The following R3HCC1 variants were observed in gnomAD, a reference collection of about 807,000 sequenced individuals.
The protein encoded by R3HCC1 is R3H domain and coiled-coil containing 1.
R3HCC1 carries 32 observed loss-of-function variants against 40.0 expected under a neutral mutation model. That is an observed-to-expected ratio of 0.80 (90% CI 0.60 to 1.07). R3HCC1 has a LOEUF of 1.07. R3HCC1 is among the 50% of genes least tolerant of loss of function. The pLI is 0.00. For missense variants in R3HCC1, 586 were observed against 563.3 expected (o/e 1.04, Z -0.41); for synonymous variants, 237 against 232.8 (o/e 1.02, Z -0.17).
Position 23,290,299 on chromosome 8 carries a change from G to C in R3HCC1, c.682G>C (p.Val228Leu), listed in dbSNP as rs1206416590. 6.4e-7 allele frequency: 1 copy of C among 1,551,670 alleles called. No homozygotes were observed. The highest frequency in any genetic ancestry group is 1.4e-5 in the African/African-American group (1 of 73,048). ...GAGTCAGTCAGGGAAGGGAGACATG[G>C]TGGAGATGGCCACACGGTTTGGGTC... is the stretch of plus-strand genomic sequence containing the variant. Residue 228 changes from valine to leucine, a missense_variant, in exon 4 of 8, where the codon GTG becomes CTG. Val to Leu is a conservative substitution (Grantham distance 32). Coordinates refer to ENST00000265806, the MANE Select transcript of R3HCC1 (RefSeq NM_001136108.3).
In R3HCC1 at chr8:23,292,314, C is replaced by G. The variant is rs147400433; in HGVS notation, c.1025+781C>G. 3.1e-3 allele frequency among the ~76,000 whole-genome samples: 473 copies of G among 152,214 alleles called. 2 individuals are homozygous for G. Among genetic ancestry groups the G allele is most frequent in the African/African-American group, 0.011 (449 of 41,560 alleles). On this transcript the variant is annotated intron_variant, in intron 5 of 7. Transcript: ENST00000265806. ...AGCTCTGCCTAGGCTTTTAGAAACCCCTTTCTGTGGCTGGGCACGGTGGCT... is the reference window on the plus strand; with the variant it reads ...AGCTCTGCCTAGGCTTTTAGAAACCGCTTTCTGTGGCTGGGCACGGTGGCT...
rs141687709 is a variant in R3HCC1, at chr8:23,295,066, G to A, written c.1192+202G>A. ...TGTTCCCCCTCCCTAGCAGGCCTAG[G>A]GGGGGTCTGGGGCAGGGGTCTCCCT... is the stretch of plus-strand genomic sequence containing the variant. On this transcript the variant is annotated intron_variant, in intron 7 of 7. Coordinates refer to ENST00000265806, the MANE Select transcript of R3HCC1 (RefSeq NM_001136108.3). Among the ~76,000 whole-genome samples, 473 of 152,208 alleles carry A rather than the reference G, an allele frequency of 3.1e-3. 1 individual carries two copies. Among genetic ancestry groups the A allele is most frequent in the Non-Finnish European group, 4.3e-3 (291 of 67,990 alleles).
At chr8:23,293,604 A>G (rs1376524257) in intron 6 of R3HCC1, among the ~76,000 whole-genome samples, 1 of 152,176 alleles carries the variant, frequency 6.6e-6, no homozygotes, top group Non-Finnish European at 1.5e-5. Flanking sequence ...TTCAATGAAA[A>G]GGCATCAGAT....
chr8:23,292,756 T>G (rs1301941548), intron 5 of R3HCC1, among the ~76,000 whole-genome samples: 1 of 152,226 alleles, frequency 6.6e-6, no homozygotes, highest in Admixed American at 6.5e-5. Context: ...TGCTCTTCTG[T>G]TCTCTACCTT....
At chr8:23,294,237 C>G (rs1021112833) in intron 6 of R3HCC1, among the ~76,000 whole-genome samples, 1 of 152,112 alleles carries the variant, frequency 6.6e-6, no homozygotes. Context: ...TGGGGTTGGC[C>G]ATGGCGTTCT....
intron 1 of R3HCC1, 126 bp downstream of exon 1, chr8:23,288,283 GCCA>G: frequency 3.6e-6 from 4 of 1,104,166 alleles, no homozygotes; most frequent in Non-Finnish European, 4.9e-6. Flanking sequence ...AGGGTGTGGA[GCCA>G]CCCTCAGCAT....
Position 23,296,050 on chromosome 8 carries a change from C to T in R3HCC1, c.1276C>T (p.His426Tyr), listed in dbSNP as rs1432605809. 6.4e-7 allele frequency: 1 copy of T among 1,550,726 alleles called. No individual in the cohort carries two copies. Among genetic ancestry groups the T allele is most frequent in the Non-Finnish European group, 8.7e-7 (1 of 1,146,882 alleles). Reference sequence around the variant, plus strand: ...GGTGGCCCGGGCCCTGGGACTCCAACACAAAAAGAAAGAGCGGCCTGCTGT... The same window carrying T: ...GGTGGCCCGGGCCCTGGGACTCCAATACAAAAAGAAAGAGCGGCCTGCTGT... The change falls in exon 8 of 8, where the codon CAC becomes TAC. Residue 426 changes from histidine (H) to tyrosine (Y), a missense_variant. Physicochemically the swap from His to Tyr is moderately conservative, Grantham distance 83. Coordinates refer to ENST00000265806, the MANE Select transcript of R3HCC1 (RefSeq NM_001136108.3).
At chr8:23,291,258 C>G in intron 4 of R3HCC1, 103 bp from the exon 5 acceptor site, 1 of 1,436,670 alleles carries the variant, frequency 7.0e-7, no homozygotes, top group Non-Finnish European at 9.2e-7. Flanking sequence ...CAGACTTTTG[C>G]CAGGTGGGCC....
Position 23,293,349 on chromosome 8 carries a change from G to A in R3HCC1, c.1072G>A (p.Gly358Ser), listed in dbSNP as rs1437040368. The A allele has an allele frequency of 2.6e-6, 4 of 1,551,330 alleles. No homozygotes were observed. Among genetic ancestry groups the A allele is most frequent in the East Asian group, 4.9e-5 (2 of 40,896 alleles). Reference sequence around the variant, plus strand: ...GTGGGTGGATGATACTCACGCACTCGGCATCTTTCCCTGCCTGGCCTCAGG... The same window carrying A: ...GTGGGTGGATGATACTCACGCACTCAGCATCTTTCCCTGCCTGGCCTCAGG... Residue 358 changes from glycine to serine, a missense_variant, in exon 6 of 8, where the codon GGC (glycine) becomes AGC (serine). Gly to Ser is a moderately conservative substitution (Grantham distance 56). Coordinates refer to ENST00000265806, the MANE Select transcript of R3HCC1 (RefSeq NM_001136108.3).
chr8:23,288,181 G>A, intron 1 of R3HCC1, 24 bp downstream of exon 1: 1 of 1,205,380 alleles, frequency 8.3e-7, no homozygotes, highest in Non-Finnish European at 1.0e-6. Flanking sequence ...CACTGGGGGG[G>A]TGGTCGTCCC....
intron 5 of R3HCC1, 83 bp downstream of exon 5, chr8:23,291,616 C>T: frequency 1.3e-6 from 2 of 1,518,446 alleles, no homozygotes; most frequent in Non-Finnish European, 1.8e-6. Context: ...CTGCCCCACA[C>T]CCAGTGCCTA....
chr8:23,295,777 TG>T (rs965288039), intron 7 of R3HCC1, 189 bp from the exon 8 acceptor site: 5 of 793,204 alleles, frequency 6.3e-6, no homozygotes, highest in African/African-American at 1.7e-5. Flanking sequence ...CAGCATCCCC[TG>T]GGGGGCCAGG....
Position 23,295,213 on chromosome 8 carries a change from G to A in R3HCC1, c.1192+349G>A, listed in dbSNP as rs549713061. On this transcript the variant is annotated intron_variant, in intron 7 of 7. Coordinates refer to ENST00000265806, the MANE Select transcript of R3HCC1 (RefSeq NM_001136108.3). ...CCTGGAAACCGTATCCCATAGGGCC[G>A]GGAAGGGCCTGGGCTTTGGGGTCCG... Among the ~76,000 whole-genome samples, 100 of 152,254 alleles carry A rather than the reference G, an allele frequency of 6.6e-4. 1 individual carries two copies. Among genetic ancestry groups the A allele is most frequent in the African/African-American group, 2.3e-3 (94 of 41,540 alleles).
chr8:23,289,802 C>G, intron 3 of R3HCC1, 64 bp from the exon 4 acceptor site: 1 of 1,439,572 alleles, frequency 6.9e-7, no homozygotes, highest in Non-Finnish European at 9.1e-7. Context: ...ACAAGTGGCT[C>G]TAGTAAATCA....
chr8:23,289,031 C>G lies in R3HCC1; in HGVS notation c.126C>G (p.Pro42=). ...CCCTCCCCAGGGTTCTTCTTTTCCC[C>G]CCACTCTCCAGTCGCCTCCGGTACC... The change falls in exon 3 of 8, where the codon CCC becomes CCG. Residue 42 remains proline, a synonymous_variant. Coordinates refer to ENST00000265806, the MANE Select transcript of R3HCC1 (RefSeq NM_001136108.3). 6.5e-7 allele frequency: 1 copy of G among 1,536,628 alleles called. No individual in the cohort carries two copies. Among genetic ancestry groups the G allele is most frequent in the Non-Finnish European group, 8.7e-7 (1 of 1,147,000 alleles).
Position 23,289,127 on chromosome 8 carries a change from G to A in R3HCC1, c.222G>A (p.Arg74=), listed in dbSNP as rs1047877797. 1.3e-6 allele frequency: 2 copies of A among 1,536,314 alleles called. No homozygotes were observed. Among genetic ancestry groups the A allele is most frequent in the South Asian group, 2.4e-5 (2 of 84,068 alleles). ...CCGTTGGGGAGGGCTGGAAGAGGAG[G>A]ACGGTCATCTGTCACCAGGACATCA... Residue 74 remains arginine (R), a synonymous_variant, in exon 3 of 8, where the codon AGG becomes AGA. Coordinates refer to ENST00000265806, the MANE Select transcript of R3HCC1 (RefSeq NM_001136108.3).
Position 23,291,545 on chromosome 8 carries a change from C to A in R3HCC1, c.1025+12C>A. On this transcript the variant is annotated intron_variant, in intron 5 of 7. Coordinates refer to ENST00000265806, the MANE Select transcript of R3HCC1 (RefSeq NM_001136108.3). The stretch of plus-strand genomic sequence containing the variant: ...TTTTCTGAGTTCCAGTGAGTGGTGG[C>A]TGGGGAGGTGCTGCCTTCAGAGAGG... The A allele has an allele frequency of 6.5e-7, 1 of 1,549,800 alleles. No homozygotes were observed.
chr8:23,296,244 G>A lies in R3HCC1; in HGVS notation c.*147G>A. ...TGGGCTTTAGTTTAGTCCCAGAAAT[G>A]GAGAAAAAATAAAAACTCACGTTGT... On this transcript the variant is annotated 3_prime_UTR_variant, in exon 8 of 8. Transcript: ENST00000265806. 1 of 972,270 alleles carries A rather than the reference G, an allele frequency of 1.0e-6. No individual in the cohort carries two copies. The highest frequency in any genetic ancestry group is 1.4e-6 in the Non-Finnish European group (1 of 693,998). 60.2% of individuals were successfully genotyped at this position (972,270 alleles called of 1,614,324 possible). A position where few individuals can be genotyped will look rare whatever the true frequency, so the allele number is the denominator to read the frequency against.
At chr8:23,292,593 G>A (rs1024238951) in intron 5 of R3HCC1, among the ~76,000 whole-genome samples, 6 of 152,008 alleles carry the variant, frequency 3.9e-5, no homozygotes, top group Non-Finnish European at 7.4e-5. Flanking sequence ...CAGCCTGGGT[G>A]ACAGTGCGAG....
Sources: gnomAD v4.1 joint callset for allele counts (sites outside exome capture counted in the v4.1 genomes callset) on GRCh38, gnomAD v4.1.1 for gene constraint, MANE v1.5 for transcripts, NCBI Gene and HGNC (gene_info 2026-07-23, HGNC 2026-07-21) for gene names.